The following SLC22A4 variants were observed in gnomAD, a reference collection of about 807,000 sequenced individuals.
SLC22A4 encodes solute carrier family 22 member 4, also known as ET transporter.
In SLC22A4, 39 loss-of-function variants were observed where a neutral mutation model predicts 56.6. The ratio of observed to expected loss-of-function variants is 0.69; its 90% CI spans 0.53 to 0.90. The LOEUF (loss-of-function observed/expected upper bound fraction) is 0.90, where lower values mean the gene tolerates loss of function less well. Ranked by LOEUF, SLC22A4 falls within the 40% of genes least tolerant of loss-of-function variation. SLC22A4 has a pLI of 0.00. For missense variants in SLC22A4, 594 were observed against 696.5 expected (o/e 0.85, Z 1.66); for synonymous variants, 241 against 281.4 (o/e 0.86, Z 1.44).
rs758190067 is a variant in SLC22A4 at position 132,312,126 on chromosome 5, G to A, written c.394-35G>A. The A allele has an allele frequency of 3.0e-6, 4 of 1,324,848 alleles. No individual in the cohort carries two copies. The South Asian group carries it at 3.5e-5, about 12-fold the overall frequency. The allele number at this position is 1,324,848 out of a possible 1,614,324, so 82.1% of individuals were successfully genotyped here. On this transcript the variant is annotated intron_variant, in intron 1 of 9. Transcript: ENST00000200652. The stretch of plus-strand genomic sequence containing the variant: ...GGCTGGGGTTGAGGTCTGCCTCAGG[G>A]TTGGGCTCACGCTTCATGCTGTCTT...
chr5:132,300,649 T>C (rs1440134762), intron 1 of SLC22A4, among the ~76,000 whole-genome samples: 1 of 152,260 alleles, frequency 6.6e-6, no homozygotes, highest in Non-Finnish European at 1.5e-5. Flanking sequence ...CCAGTTATTC[T>C]AGCTCAAACC....
chr5:132,336,576 T>A (rs2126739859), intron 8 of SLC22A4, among the ~76,000 whole-genome samples: 1 of 152,226 alleles, frequency 6.6e-6, no homozygotes, highest in East Asian at 1.9e-4. Context: ...ACAAATAACA[T>A]TATATATGTT....
intron 1 of SLC22A4, among the ~76,000 whole-genome samples, chr5:132,307,880 C>T (rs1264005220): frequency 6.6e-6 from 1 of 152,172 alleles, no homozygotes; most frequent in Non-Finnish European, 1.5e-5. Context: ...AAAACTAAAA[C>T]TGCCAGACTT....
At chr5:132,308,561 T>C (rs993917559) in intron 1 of SLC22A4, among the ~76,000 whole-genome samples, 21 of 152,088 alleles carry the variant, frequency 1.4e-4, no homozygotes, top group African/African-American at 5.1e-4. Flanking sequence ...CTCCACACAC[T>C]GTTACTGTCT....
chr5:132,294,860 A>G lies in SLC22A4; in HGVS notation c.244A>G (p.Ser82Gly), dbSNP rs546926504. The change falls in exon 1 of 10, where the codon AGC becomes GGC. Residue 82 changes from serine to glycine, a missense_variant. Ser to Gly is a moderately conservative substitution (Grantham distance 56). Transcript: ENST00000200652. The surrounding 1 kb of genome is among the most constrained non-coding windows in gnomAD (Gnocchi z 5.6). ...RDGREVPHSC[S>G]RYRLATIANF... ...CGGCCGCGAGGTGCCCCACAGCTGCAGCCGCTACCGGCTCGCCACCATCGC... is the reference window on the plus strand; with the variant it reads ...CGGCCGCGAGGTGCCCCACAGCTGCGGCCGCTACCGGCTCGCCACCATCGC... 1 of 1,607,604 alleles carries G rather than the reference A, an allele frequency of 6.2e-7. No individual in the cohort carries two copies. Among genetic ancestry groups the G allele is most frequent in the African/African-American group, 1.3e-5 (1 of 74,950 alleles).
intron 3 of SLC22A4, among the ~76,000 whole-genome samples, chr5:132,321,247 CTG>C (rs1336254566): frequency 2.0e-4 from 30 of 152,280 alleles, no homozygotes; most frequent in Middle Eastern, 3.4e-3. Context: ...GGACTGTGGA[CTG>C]TGTCTGCCTG....
At chr5:132,342,535 C>T (rs1322275701) in intron 9 of SLC22A4, among the ~76,000 whole-genome samples, 1 of 152,206 alleles carries the variant, frequency 6.6e-6, no homozygotes, top group Non-Finnish European at 1.5e-5. Flanking sequence ...TCAGACTCCA[C>T]AGGTGTAAAG....
chr5:132,311,884 A>G (rs1446939538), intron 1 of SLC22A4: 1 of 515,626 alleles, frequency 1.9e-6, no homozygotes. Context: ...GCTTCTTGCT[A>G]TGTAATGCGA....
intron 1 of SLC22A4, among the ~76,000 whole-genome samples, chr5:132,301,527 G>A (rs990015797): frequency 6.6e-6 from 1 of 152,214 alleles, no homozygotes; most frequent in African/African-American, 2.4e-5. Flanking sequence ...CTAGCCTTGT[G>A]CTTTCCTGGG....
intron 2 of SLC22A4, among the ~76,000 whole-genome samples, chr5:132,313,192 A>C (rs1013705326): frequency 1.1e-4 from 17 of 152,184 alleles, no homozygotes; most frequent in Non-Finnish European, 2.2e-4. Context: ...GGGTGATTCC[A>C]AGTGCAGCCA....
At chr5:132,333,892 G>A (rs569813215) in intron 6 of SLC22A4, among the ~76,000 whole-genome samples, 24 of 152,030 alleles carry the variant, frequency 1.6e-4, no homozygotes, top group Non-Finnish European at 2.5e-4. Flanking sequence ...TGCAACCTTC[G>A]CCTCCTGGGT....
intron 3 of SLC22A4, among the ~76,000 whole-genome samples, chr5:132,315,605 G>A (rs1157243677): frequency 6.6e-6 from 1 of 152,134 alleles, no homozygotes; most frequent in Non-Finnish European, 1.5e-5. Context: ...GCAGCATGTG[G>A]TCCCACATGC....
At chr5:132,314,203 G>T (rs1750268540) in intron 3 of SLC22A4, among the ~76,000 whole-genome samples, 1 of 152,188 alleles carries the variant, frequency 6.6e-6, no homozygotes, top group Non-Finnish European at 1.5e-5. Flanking sequence ...GCTCATGTCA[G>T]ACAGGGGGAG....
At chr5:132,312,929 G>A (rs2126711550) in intron 2 of SLC22A4, among the ~76,000 whole-genome samples, 1 of 152,338 alleles carries the variant, frequency 6.6e-6, no homozygotes, top group Middle Eastern at 3.4e-3. Flanking sequence ...AATGGGGCGG[G>A]AAAGGCTGTT....
At chr5:132,314,991 G>A (rs1750297401) in intron 3 of SLC22A4, among the ~76,000 whole-genome samples, 1 of 152,172 alleles carries the variant, frequency 6.6e-6, no homozygotes, top group Non-Finnish European at 1.5e-5. Flanking sequence ...GGAAGGAGCG[G>A]GGCAAGATTT....
At chr5:132,296,477 ACT>A (rs1244758030) in intron 1 of SLC22A4, among the ~76,000 whole-genome samples, 2 of 151,946 alleles carry the variant, frequency 1.3e-5, no homozygotes, top group Admixed American at 6.6e-5. Flanking sequence ...AAGTTTTGAA[ACT>A]CTCCTCTGCA....
chr5:132,339,252 C>T (rs923616067), intron 8 of SLC22A4, among the ~76,000 whole-genome samples: 2 of 152,002 alleles, frequency 1.3e-5, no homozygotes, highest in African/African-American at 2.4e-5. Context: ...CCTAGTTTAC[C>T]ATTTGTATTT....
At chr5:132,330,087 G>C (rs998202562) in intron 5 of SLC22A4, among the ~76,000 whole-genome samples, 10 of 152,274 alleles carry the variant, frequency 6.6e-5, no homozygotes, top group Admixed American at 3.3e-4. Flanking sequence ...TATTCTGCTG[G>C]GGGCATGTTC....
chr5:132,327,991 G>A (rs1252169600), intron 5 of SLC22A4, among the ~76,000 whole-genome samples: 1 of 152,178 alleles, frequency 6.6e-6, no homozygotes, highest in African/African-American at 2.4e-5. Flanking sequence ...CATGCCCTGT[G>A]CTGGCTCCTA....
Sources: allele counts gnomAD v4.1 joint callset (sites outside exome capture counted in the v4.1 genomes callset), GRCh38; gene constraint gnomAD v4.1.1; non-coding constraint Gnocchi (gnomAD v3.1); transcripts MANE v1.5; gene names NCBI Gene and HGNC (gene_info 2026-07-23, HGNC 2026-07-21).